The following ANKRD11 variants were observed in gnomAD, a reference collection of about 807,000 sequenced individuals.
ANKRD11 encodes the protein ankyrin repeat domain-containing protein 11.
ANKRD11 carries 17 observed loss-of-function variants against 195.7 expected under a neutral mutation model. The ratio of observed to expected loss-of-function variants is 0.09; its 90% CI spans 0.06 to 0.13. The LOEUF (loss-of-function observed/expected upper bound fraction) is 0.13, where lower values mean the gene tolerates loss of function less well. Ranked by LOEUF, ANKRD11 falls within the 10% of genes least tolerant of loss-of-function variation. The pLI is 1.00. For missense variants in ANKRD11, 3,735 were observed against 3,566.1 expected (o/e 1.05, Z -1.21); for synonymous variants, 1,953 against 1,528.1 (o/e 1.28, Z -6.49).
At chr16:89,335,191 C>A (rs574877147) in intron 2 of ANKRD11, among the ~76,000 whole-genome samples, 2 of 152,276 alleles carry the variant, frequency 1.3e-5, no homozygotes, top group African/African-American at 4.8e-5. Context: ...GAGCTCAGTG[C>A]GTGCCTTCCC....
At chr16:89,355,508 G>A (rs1162465911) in intron 2 of ANKRD11, among the ~76,000 whole-genome samples, 1 of 152,170 alleles carries the variant, frequency 6.6e-6, no homozygotes, top group Admixed American at 6.5e-5. Flanking sequence ...AGGGGTGAAC[G>A]TGGCCCCATG....
chr16:89,482,805 C>G (rs1399821773), intron 1 of ANKRD11, among the ~76,000 whole-genome samples: 1 of 152,156 alleles, frequency 6.6e-6, no homozygotes, highest in Non-Finnish European at 1.5e-5. Context: ...AGCGGGTGGG[C>G]AGCAGGAGTC....
chr16:89,289,132 G>A (rs1396799383), intron 6 of ANKRD11, among the ~76,000 whole-genome samples: 1 of 152,190 alleles, frequency 6.6e-6, no homozygotes, highest in South Asian at 2.1e-4. Flanking sequence ...GGCTCGGGCT[G>A]CACGACGAAG....
chr16:89,271,072 G>A (rs990568879), intron 11 of ANKRD11, 163 bp from the exon 12 acceptor site: 33 of 699,718 alleles, frequency 4.7e-5, no homozygotes, highest in Middle Eastern at 2.5e-4. Flanking sequence ...CATGGCAGGC[G>A]CACCCTGCCC....
At chr16:89,345,206 T>C (rs1391388462) in intron 2 of ANKRD11, among the ~76,000 whole-genome samples, 2 of 150,472 alleles carry the variant, frequency 1.3e-5, no homozygotes, top group Non-Finnish European at 1.5e-5. Context: ...ACTGTAAAGA[T>C]GGAAAAAAAA....
rs1320948493 is a variant in ANKRD11 at position 89,405,653 on chromosome 16, C to T, written c.-60+12631G>A. Among the ~76,000 whole-genome samples, 4 of 152,090 alleles carry T rather than the reference C, an allele frequency of 2.6e-5. No individual in the cohort carries two copies. In the East Asian group the frequency reaches 7.7e-4, roughly 29 times the overall value. On this transcript the variant is annotated intron_variant, in intron 2 of 12. Transcript: ENST00000301030. ...CCGGCTTTCTAGGTAACTTTCCTATCAGCCTTCCTGACTGCTGCAGATAAG... is the reference window on the plus strand; with the variant it reads ...CCGGCTTTCTAGGTAACTTTCCTATTAGCCTTCCTGACTGCTGCAGATAAG...
chr16:89,358,560 T>C (rs138016800), intron 2 of ANKRD11, among the ~76,000 whole-genome samples: 12 of 152,300 alleles, frequency 7.9e-5, no homozygotes, highest in African/African-American at 2.9e-4. Context: ...AAACATCTCA[T>C]GGACCCCATA....
chr16:89,291,224 G>A lies in ANKRD11; in HGVS notation c.227-41C>T, dbSNP rs373568911. The A allele has an allele frequency of 1.7e-4, 270 of 1,608,208 alleles. No individual in the cohort carries two copies. Among genetic ancestry groups the A allele is most frequent in the Non-Finnish European group, 2.0e-4 (230 of 1,179,302 alleles). On this transcript the variant is annotated intron_variant, in intron 4 of 12. Transcript: ENST00000301030. This position sits in a 1 kb window ranked among gnomAD's most constrained non-coding sequence, Gnocchi z 5.3. ...GGGAGAGAGGGAGGAGAGATTTCAT[G>A]CCATGGTGTCCTCCAAAGCTAGGTC...
chr16:89,393,583 T>C (rs1211941758), intron 2 of ANKRD11, among the ~76,000 whole-genome samples: 1 of 151,602 alleles, frequency 6.6e-6, no homozygotes, highest in Non-Finnish European at 1.5e-5. Context: ...TCAGAGTGAT[T>C]TGCCCGCCTC....
intron 7 of ANKRD11, 70 bp from the exon 8 acceptor site, chr16:89,286,256 CG>C: frequency 6.3e-7 from 1 of 1,594,488 alleles, no homozygotes. Flanking sequence ...CCGCATAACA[CG>C]GCAGCCCCTT....
chr16:89,275,297 G>A (rs2151704306), intron 9 of ANKRD11, 106 bp from the exon 10 acceptor site: 3 of 959,846 alleles, frequency 3.1e-6, no homozygotes, highest in East Asian at 5.2e-5. Context: ...CCACTCCTAG[G>A]AGCCTGCCCT....
At chr16:89,317,381 C>T (rs922946846) in intron 2 of ANKRD11, among the ~76,000 whole-genome samples, 1 of 152,164 alleles carries the variant, frequency 6.6e-6, no homozygotes, top group African/African-American at 2.4e-5. Flanking sequence ...GTCAGCAGCA[C>T]CTGGATCCTG....
intron 2 of ANKRD11, among the ~76,000 whole-genome samples, chr16:89,336,622 C>G (rs2038367591): frequency 6.6e-6 from 1 of 152,150 alleles, no homozygotes; most frequent in Non-Finnish European, 1.5e-5. Flanking sequence ...TTTGTAAGGA[C>G]GGAAAGCCAC....
At position 89,279,724 on chromosome 16, in the gene ANKRD11, C is replaced by G. The variant is rs1342713893; in HGVS notation, c.6818G>C (p.Gly2273Ala). The change falls in exon 9 of 13, where the codon GGC becomes GCC. Residue 2273 changes from glycine (G) to alanine (A), a missense_variant. Coordinates refer to ENST00000301030, the MANE Select transcript of ANKRD11 (RefSeq NM_013275.6). This position sits in a 1 kb window ranked among gnomAD's most constrained non-coding sequence, Gnocchi z 5.6. Reference sequence around the variant, plus strand: ...TTGTGCCACAGTGTTCGGGGCGGGGCCGTCAGGGGCACAGAGGGACGCGGC... The same window carrying G: ...TTGTGCCACAGTGTTCGGGGCGGGGGCGTCAGGGGCACAGAGGGACGCGGC... ...PPAASLCAPD[G>A]PAPNTVAQAQ... The G allele has an allele frequency of 1.0e-5, 16 of 1,535,840 alleles. No individual in the cohort carries two copies. The highest frequency in any genetic ancestry group is 1.3e-5 in the Non-Finnish European group (15 of 1,146,308).
intron 2 of ANKRD11, among the ~76,000 whole-genome samples, chr16:89,388,105 G>A (rs1250859830): frequency 6.6e-6 from 1 of 151,666 alleles, no homozygotes; most frequent in African/African-American, 2.4e-5. Flanking sequence ...CAGAGTCCCT[G>A]TACAGCCTTA....
At chr16:89,404,134 C>G (rs963485917) in intron 2 of ANKRD11, among the ~76,000 whole-genome samples, 1 of 152,206 alleles carries the variant, frequency 6.6e-6, no homozygotes, top group African/African-American at 2.4e-5. Flanking sequence ...GGAGTCCTCT[C>G]AGCACCAACA....
chr16:89,358,995 T>G (rs1386613200), intron 2 of ANKRD11, among the ~76,000 whole-genome samples: 4 of 152,096 alleles, frequency 2.6e-5, no homozygotes, highest in African/African-American at 9.7e-5. Flanking sequence ...CTGGCTAATT[T>G]TCTATTTTTT....
At chr16:89,474,985 C>T (rs1457964587) in intron 1 of ANKRD11, among the ~76,000 whole-genome samples, 2 of 152,226 alleles carry the variant, frequency 1.3e-5, no homozygotes, top group African/African-American at 4.8e-5. Flanking sequence ...TGCAGGGCCA[C>T]CCCTGCCCTC....
intron 1 of ANKRD11, among the ~76,000 whole-genome samples, chr16:89,484,047 A>T (rs1422107186): frequency 6.6e-6 from 1 of 152,032 alleles, no homozygotes; most frequent in Non-Finnish European, 1.5e-5. Context: ...CTAACACTAC[A>T]AGCTCTCGAG....
Sources: gnomAD v4.1 joint callset for allele counts (sites outside exome capture counted in the v4.1 genomes callset) on GRCh38, gnomAD v4.1.1 for gene constraint, Gnocchi (gnomAD v3.1) non-coding constraint, MANE v1.5 for transcripts, NCBI Gene and HGNC (gene_info 2026-07-23, HGNC 2026-07-21) for gene names.